Variants in STARD13 observed in about 807,000 individuals in gnomAD.
The protein encoded by STARD13 is StAR related lipid transfer domain containing 13.
A neutral mutation model predicts 106.4 loss-of-function variants in STARD13; 62 were observed. The observed-to-expected ratio is 0.58, with a 90% CI of 0.48 to 0.72. The LOEUF is 0.72. Among genes scored for constraint, STARD13 ranks in the 30% least tolerant of loss-of-function variants. The probability of loss-of-function intolerance (pLI) is 0.00; values close to 1 mark genes in which losing one functional copy is unlikely to be tolerated. For synonymous variants in STARD13, 565 were observed against 553.0 expected (o/e 1.02, Z -0.31); for missense variants, 1,387 against 1,424.0 (o/e 0.97, Z 0.42).
intron 1 of STARD13, among the ~76,000 whole-genome samples, chr13:33,323,436 A>G (rs1317328645): frequency 6.6e-6 from 1 of 152,134 alleles, no homozygotes; most frequent in Non-Finnish European, 1.5e-5. Context: ...AGCCCTTCCC[A>G]CAACTGTAAT....
chr13:33,119,215 C>T (rs1055120066), intron 7 of STARD13, among the ~76,000 whole-genome samples: 5 of 152,204 alleles, frequency 3.3e-5, no homozygotes, highest in African/African-American at 1.2e-4. Flanking sequence ...CCTGGGCACC[C>T]TGGCTTATAG....
Position 33,105,284 on chromosome 13 carries a change from C to T in STARD13, c.*309G>A, listed in dbSNP as rs574019540. The T allele has an allele frequency of 7.0e-5, 21 of 298,164 alleles. No individual in the cohort carries two copies. Among genetic ancestry groups the T allele is most frequent in the East Asian group, 2.4e-4 (4 of 16,414 alleles). The allele number at this position is 298,164 out of a possible 1,614,324, so 18.5% of individuals were successfully genotyped here. A position where few individuals can be genotyped will look rare whatever the true frequency, so the allele number is the denominator to read the frequency against. ...ATACATTTATTTACAGTTAGGTATA[C>T]GCTTCTTAGAAGCCTTTAAATAGCA... On this transcript the variant is annotated 3_prime_UTR_variant, in exon 14 of 14. Coordinates refer to ENST00000336934, the MANE Select transcript of STARD13 (RefSeq NM_178006.4).
the STARD13 span, among the ~76,000 whole-genome samples, chr13:33,396,285 G>A: frequency 2.0e-5 from 3 of 152,136 alleles, no homozygotes; most frequent in Non-Finnish European, 2.9e-5. Context: ...CATGAGCCAC[G>A]GTGTCCAACC....
the STARD13 span, among the ~76,000 whole-genome samples, chr13:33,414,531 A>G: frequency 6.6e-6 from 1 of 152,236 alleles, no homozygotes; most frequent in African/African-American, 2.4e-5. Context: ...CTGAAGGGAA[A>G]AAGCCAATCT....
At chr13:33,406,506 AT>A in the STARD13 span, among the ~76,000 whole-genome samples, 1 of 152,098 alleles carries the variant, frequency 6.6e-6, no homozygotes, top group Admixed American at 6.5e-5. Context: ...ACATAACTTT[AT>A]TTTTTTGTGT....
At chr13:33,529,646 T>C in the STARD13 span, among the ~76,000 whole-genome samples, 1 of 152,062 alleles carries the variant, frequency 6.6e-6, no homozygotes, top group Admixed American at 6.6e-5. Context: ...TAAGCCAAAG[T>C]ATGTACAAAA....
intron 3 of STARD13, among the ~76,000 whole-genome samples, chr13:33,158,222 C>A (rs555416522): frequency 6.6e-6 from 1 of 151,842 alleles, no homozygotes; most frequent in South Asian, 2.1e-4. Context: ...CAAGAGAAAG[C>A]TACACATTTA....
intron 1 of STARD13, among the ~76,000 whole-genome samples, chr13:33,248,646 T>C (rs564671735): frequency 6.6e-6 from 1 of 152,302 alleles, no homozygotes; most frequent in South Asian, 2.1e-4. Context: ...CTCCTTCATT[T>C]ATCTTCTTTT....
At chr13:33,106,969 CTG>C in intron 12 of STARD13, 35 bp from the exon 13 acceptor site, 1 of 1,581,000 alleles carries the variant, frequency 6.3e-7, no homozygotes, top group Non-Finnish European at 8.6e-7. Flanking sequence ...AGAGTCATGA[CTG>C]AGGGAGGAAG....
At chr13:33,246,312 T>C (rs1889820274) in intron 1 of STARD13, among the ~76,000 whole-genome samples, 1 of 152,190 alleles carries the variant, frequency 6.6e-6, no homozygotes, top group African/African-American at 2.4e-5. Context: ...AAGTCAGGGT[T>C]GGCTAGAACG....
chr13:33,240,917 T>C (rs1157316545), intron 1 of STARD13, among the ~76,000 whole-genome samples: 2 of 152,234 alleles, frequency 1.3e-5, no homozygotes, highest in Non-Finnish European at 2.9e-5. Context: ...GTTGGTTTTG[T>C]ATCATGCAGC....
chr13:33,572,328 C>A, the STARD13 span, among the ~76,000 whole-genome samples: 1 of 152,280 alleles, frequency 6.6e-6, no homozygotes, highest in South Asian at 2.1e-4. Flanking sequence ...TTTGGCCAAT[C>A]AAATGTAGCC....
At chr13:33,670,149 G>A in the STARD13 span, among the ~76,000 whole-genome samples, 1,889 of 152,242 alleles carry the variant, frequency 0.012, 45 homozygotes, top group African/African-American at 0.043. Flanking sequence ...AAGCCACAGG[G>A]GGATGAGACT....
the STARD13 span, among the ~76,000 whole-genome samples, chr13:33,429,079 T>A: frequency 6.6e-6 from 1 of 152,200 alleles, no homozygotes. Flanking sequence ...TTGATGGGAA[T>A]GTAAACTAGT....
the STARD13 span, among the ~76,000 whole-genome samples, chr13:33,635,504 G>C: frequency 9.9e-5 from 15 of 151,660 alleles, no homozygotes; most frequent in African/African-American, 3.4e-4. Context: ...CTAAAAAATA[G>C]AAAAAATTAG....
the STARD13 span, among the ~76,000 whole-genome samples, chr13:33,447,309 T>C: frequency 6.6e-6 from 1 of 152,212 alleles, no homozygotes; most frequent in Non-Finnish European, 1.5e-5. Flanking sequence ...CACGAGCTTG[T>C]GTGCAAGCCA....
rs1252681879 is a variant in STARD13 at position 33,129,174 on chromosome 13, A to C, written c.1503T>G (p.Asp501Glu). The C allele has an allele frequency of 6.2e-7, 1 of 1,614,242 alleles. No homozygotes were observed. The highest frequency in any genetic ancestry group is 1.1e-5 in the South Asian group (1 of 91,086). Residue 501 changes from aspartate to glutamate, a missense_variant, in exon 5 of 14, where the codon GAT (aspartate) becomes GAG (glutamate). Transcript: ENST00000336934. Reference sequence around the variant, plus strand: ...CAGGCAAGACATCTTTGGACCAGTCATCGACTACCTCTTGGAGCCCATTGA... The same window carrying C: ...CAGGCAAGACATCTTTGGACCAGTCCTCGACTACCTCTTGGAGCCCATTGA... The part of the protein sequence containing the change: ...QHVNGLQEVV[D>E]DWSKDVLPEL...
the STARD13 span, among the ~76,000 whole-genome samples, chr13:33,368,320 C>T: frequency 2.2e-4 from 34 of 152,308 alleles, no homozygotes; most frequent in African/African-American, 7.0e-4. Flanking sequence ...TCTTTATACT[C>T]AAATGTCATA....
chr13:33,190,588 CTTTTTT>C (rs71196510), intron 1 of STARD13, among the ~76,000 whole-genome samples: 3 of 131,206 alleles, frequency 2.3e-5, no homozygotes, highest in Non-Finnish European at 3.2e-5. Context: ...CTTTTCTTTT[CTTTTTT>C]TTTTTTTTTT....
Sources: allele counts gnomAD v4.1 joint callset (sites outside exome capture counted in the v4.1 genomes callset), GRCh38; gene constraint gnomAD v4.1.1; transcripts MANE v1.5; gene names NCBI Gene and HGNC (gene_info 2026-07-23, HGNC 2026-07-21).